The following NAV2 variants were observed in gnomAD, a reference collection of about 807,000 sequenced individuals.
The protein encoded by NAV2 is helicase, APC down-regulated 1.
In NAV2, 54 loss-of-function variants were observed where a neutral mutation model predicts 223.2. The observed-to-expected ratio is 0.24, with a 90% CI of 0.19 to 0.30. NAV2 has a LOEUF of 0.30. Among genes scored for constraint, NAV2 ranks in the 10% least tolerant of loss-of-function variants. The pLI is 1.00. For missense variants in NAV2, 2,806 were observed against 3,147.5 expected, an observed-to-expected ratio of 0.89 and a Z score of 2.60; for synonymous variants, 1,279 against 1,239.3, an observed-to-expected ratio of 1.03 and a Z score of -0.67.
chr11:19,484,935 C>G (rs1431668269), intron 1 of NAV2, among the ~76,000 whole-genome samples: 1 of 152,192 alleles, frequency 6.6e-6, no homozygotes, highest in Admixed American at 6.5e-5. Context: ...TGTGCAGTTC[C>G]TCAGATGTAG....
intron 19 of NAV2, among the ~76,000 whole-genome samples, chr11:20,058,667 C>T (rs2058512050): frequency 6.6e-6 from 1 of 152,128 alleles, no homozygotes; most frequent in African/African-American, 2.4e-5. Flanking sequence ...TGTATCTAGG[C>T]CCTGAATTGC....
chr11:20,024,198 C>T (rs1344647083), intron 11 of NAV2, among the ~76,000 whole-genome samples: 5 of 152,174 alleles, frequency 3.3e-5, no homozygotes, highest in Admixed American at 6.5e-5. Flanking sequence ...GCACAGCCTG[C>T]CTGGGCTTCT....
At chr11:19,703,272 G>A (rs1646705016) in intron 1 of NAV2, among the ~76,000 whole-genome samples, 1 of 152,088 alleles carries the variant, frequency 6.6e-6, no homozygotes, top group African/African-American at 2.4e-5. Context: ...CCTCCTCTCA[G>A]AGTCCTAAAC....
chr11:19,825,518 C>G (rs573201134), intron 1 of NAV2, among the ~76,000 whole-genome samples: 3 of 152,224 alleles, frequency 2.0e-5, no homozygotes, highest in Admixed American at 6.5e-5. Context: ...AGCTGCTAAC[C>G]TGATGCCATC....
At chr11:19,871,562 C>T (rs2062498754) in intron 4 of NAV2, among the ~76,000 whole-genome samples, 1 of 152,076 alleles carries the variant, frequency 6.6e-6, no homozygotes, top group South Asian at 2.1e-4. Flanking sequence ...CATGTAGCTC[C>T]CGGGGCACTA....
intron 1 of NAV2, among the ~76,000 whole-genome samples, chr11:19,457,935 A>C (rs1684159863): frequency 1.3e-5 from 2 of 152,174 alleles, no homozygotes; most frequent in Admixed American, 6.5e-5. Flanking sequence ...CATGCACGGA[A>C]TAGGGCACAA....
intron 1 of NAV2, among the ~76,000 whole-genome samples, chr11:19,629,262 TATC>T (rs1385521008): frequency 6.6e-6 from 1 of 151,912 alleles, no homozygotes; most frequent in Non-Finnish European, 1.5e-5. Flanking sequence ...AAGACCAAAA[TATC>T]ATTTTAGGCA....
chr11:19,642,604 T>C (rs2047696177), intron 1 of NAV2, among the ~76,000 whole-genome samples: 1 of 152,158 alleles, frequency 6.6e-6, no homozygotes, highest in African/African-American at 2.4e-5. Context: ...GCGCTGTACA[T>C]GGAGTCAACA....
intron 1 of NAV2, among the ~76,000 whole-genome samples, chr11:19,625,191 C>G (rs1207580745): frequency 6.6e-6 from 1 of 152,176 alleles, no homozygotes; most frequent in Non-Finnish European, 1.5e-5. Context: ...ATTTTGTATT[C>G]TTCAACAAAT....
chr11:19,766,912 G>A (rs541657067), intron 1 of NAV2, among the ~76,000 whole-genome samples: 7 of 152,168 alleles, frequency 4.6e-5, no homozygotes, highest in African/African-American at 9.6e-5. Context: ...AGGCCCCTTG[G>A]GGGGTGGACT....
At chr11:19,828,055 G>C (rs1003004369) in intron 1 of NAV2, among the ~76,000 whole-genome samples, 1 of 152,148 alleles carries the variant, frequency 6.6e-6, no homozygotes, top group Non-Finnish European at 1.5e-5. Context: ...GAAGCAGGAT[G>C]ATCATTTGAG....
chr11:19,542,424 TG>T (rs2044365068), intron 1 of NAV2, among the ~76,000 whole-genome samples: 1 of 152,230 alleles, frequency 6.6e-6, no homozygotes, highest in Non-Finnish European at 1.5e-5. Flanking sequence ...CAGTAAATGA[TG>T]GAGTCAGTGA....
intron 8 of NAV2, among the ~76,000 whole-genome samples, chr11:19,942,412 A>T (rs1252946655): frequency 1.3e-5 from 2 of 152,196 alleles, no homozygotes; most frequent in South Asian, 4.1e-4. Context: ...GCTATGTGCC[A>T]TATCATCTGA....
intron 1 of NAV2, among the ~76,000 whole-genome samples, chr11:19,404,163 G>C (rs1446952872): frequency 6.6e-6 from 1 of 152,164 alleles, no homozygotes; most frequent in Non-Finnish European, 1.5e-5. Flanking sequence ...TCGGGGCCCT[G>C]GCATAATCTT....
upstream of NAV2, among the ~76,000 whole-genome samples, chr11:19,708,910 A>G (rs1345001802): frequency 2.0e-5 from 3 of 151,732 alleles, no homozygotes; most frequent in Admixed American, 6.6e-5. Context: ...AAAAAAAAAA[A>G]AAAAAGAAAA....
At chr11:19,377,899 G>A (rs148979425) in intron 1 of NAV2, among the ~76,000 whole-genome samples, 1 of 152,110 alleles carries the variant, frequency 6.6e-6, no homozygotes, top group Non-Finnish European at 1.5e-5. Context: ...GATGGGAGTG[G>A]GGTGTAACAG....
At chr11:19,973,326 G>A (rs1226276848) in intron 10 of NAV2, among the ~76,000 whole-genome samples, 1 of 152,146 alleles carries the variant, frequency 6.6e-6, no homozygotes, top group Non-Finnish European at 1.5e-5. Context: ...CAAAAATTCT[G>A]CTGACTTAAT....
At chr11:19,835,950 A>G (rs1425018674) in intron 2 of NAV2, among the ~76,000 whole-genome samples, 1 of 152,152 alleles carries the variant, frequency 6.6e-6, no homozygotes, top group African/African-American at 2.4e-5. Context: ...ACACAGAACC[A>G]GAGGGACCTC....
chr11:19,635,664 T>A (rs907543201), intron 1 of NAV2, among the ~76,000 whole-genome samples: 1 of 152,192 alleles, frequency 6.6e-6, no homozygotes, highest in African/African-American at 2.4e-5. Context: ...CTTGTATTTA[T>A]AACAACCTGC....
Sources: allele counts gnomAD v4.1 joint callset (sites outside exome capture counted in the v4.1 genomes callset), GRCh38; gene constraint gnomAD v4.1.1; transcripts MANE v1.5; gene names NCBI Gene and HGNC (gene_info 2026-07-23, HGNC 2026-07-21).